The following NADSYN1 variants were observed in gnomAD, a reference collection of about 807,000 sequenced individuals.
The protein encoded by NADSYN1 is glutamine-dependent NAD(+) synthetase.
NADSYN1 carries 80 observed loss-of-function variants against 99.3 expected under a neutral mutation model. That is an observed-to-expected ratio of 0.81 (90% CI 0.67 to 0.97). NADSYN1 has a LOEUF of 0.97. Ranked by LOEUF, NADSYN1 falls within the 50% of genes least tolerant of loss-of-function variation. The pLI is 0.00. For synonymous variants in NADSYN1, 385 were observed against 372.1 expected (o/e 1.03, Z -0.40); for missense variants, 859 against 948.5 (o/e 0.91, Z 1.24).
chr11:71,485,638 G>A lies in NADSYN1; in HGVS notation c.1552G>A (p.Val518Met), dbSNP rs770094071. Residue 518 changes from valine (V) to methionine (M), a missense_variant, in exon 16 of 21, where the codon GTG (valine) becomes ATG (methionine). Coordinates refer to ENST00000319023, the MANE Select transcript of NADSYN1 (RefSeq NM_018161.5). ...GGLLVLGSAN[V>M]DESLLGYLTK... is the part of the protein sequence containing the mutation. ...GCTCCTCGTGCTGGGATCCGCCAACGTGGATGAGAGGTGAGTGTGGCCCAG... is the reference window on the plus strand; with the variant it reads ...GCTCCTCGTGCTGGGATCCGCCAACATGGATGAGAGGTGAGTGTGGCCCAG... The A allele has an allele frequency of 5.5e-5, 85 of 1,553,656 alleles. No individual in the cohort carries two copies. Among genetic ancestry groups the A allele is most frequent in the South Asian group, 1.2e-4 (10 of 84,234 alleles).
chr11:71,474,606 G>A (rs1949652219), intron 9 of NADSYN1, 80 bp downstream of exon 9: 11 of 1,592,150 alleles, frequency 6.9e-6, no homozygotes, highest in Non-Finnish European at 9.5e-6. Context: ...TGTAAGCCGG[G>A]TGCTTAGTGA....
In NADSYN1 at chr11:71,481,371, C is replaced by A. The variant is rs1299742101; in HGVS notation, c.1014C>A (p.Cys338Ter). The A allele has an allele frequency of 6.2e-7, 1 of 1,613,940 alleles. No individual in the cohort carries two copies. Among genetic ancestry groups the A allele is most frequent in the Non-Finnish European group, 8.5e-7 (1 of 1,180,028 alleles). The part of the protein sequence containing the change: ...PEEEISLGPA[C>*]WLWDFLRRSQ... ...TGCCCTGCAGCCTTGGACCTGCCTGCTGGCTCTGGGATTTTTTAAGACGAA... is the reference window on the plus strand; with the variant it reads ...TGCCCTGCAGCCTTGGACCTGCCTGATGGCTCTGGGATTTTTTAAGACGAA... The change falls in exon 12 of 21, where the codon TGC becomes TGA. Residue 338 changes from cysteine to a stop codon, truncating the protein, a stop_gained. Coordinates refer to ENST00000319023, the MANE Select transcript of NADSYN1 (RefSeq NM_018161.5). LOFTEE classifies it high-confidence loss of function.
intron 3 of NADSYN1, among the ~76,000 whole-genome samples, chr11:71,462,233 C>T (rs1052705135): frequency 2.6e-5 from 4 of 152,182 alleles, no homozygotes; most frequent in African/African-American, 4.8e-5. Context: ...TCAACACAGA[C>T]CTTAAGTCTC....
rs193295661 is a variant in NADSYN1, at chr11:71,495,802, A to T, written c.1765-1681A>T. 1.0e-3 allele frequency among the ~76,000 whole-genome samples: 152 copies of T among 152,306 alleles called. 2 individuals are homozygous for T. Among genetic ancestry groups the T allele is most frequent in the African/African-American group, 3.4e-3 (142 of 41,572 alleles). ...AAAACACTTAGCGTCCCCTGGAGGG[A>T]CGGACAAGAAGGCCCAGCGGTGGCT... On this transcript the variant is annotated intron_variant, in intron 18 of 20. Coordinates refer to ENST00000319023, the MANE Select transcript of NADSYN1 (RefSeq NM_018161.5).
intron 6 of NADSYN1, 93 bp downstream of exon 6, chr11:71,472,593 A>C: frequency 8.7e-7 from 1 of 1,153,774 alleles, no homozygotes; most frequent in Non-Finnish European, 1.3e-6. Context: ...TTTGGGATCC[A>C]GGTAATGGAA....
chr11:71,463,942 C>T (rs891629523), intron 4 of NADSYN1, 111 bp from the exon 5 acceptor site: 5 of 907,466 alleles, frequency 5.5e-6, no homozygotes, highest in Non-Finnish European at 8.5e-6. Context: ...GGGCCCCATT[C>T]TCAAGCTGAC....
intron 5 of NADSYN1, among the ~76,000 whole-genome samples, chr11:71,465,429 G>A (rs1298980053): frequency 6.6e-6 from 1 of 152,180 alleles, no homozygotes; most frequent in Non-Finnish European, 1.5e-5. Flanking sequence ...CATGTTCAGC[G>A]CAGATCACAT....
At chr11:71,461,274 CGGAG>C (rs1949548850) in intron 3 of NADSYN1, among the ~76,000 whole-genome samples, 2 of 152,212 alleles carry the variant, frequency 1.3e-5, no homozygotes, top group South Asian at 4.2e-4. Flanking sequence ...CAGATATTCA[CGGAG>C]GGCCCGTATT....
Position 71,501,356 on chromosome 11 carries a change from C to G in NADSYN1, c.*4C>G, listed in dbSNP as rs376705127. ...GTCCCTGGACGGCGTGGACTGAGGC[C>G]GGTTCCTTCCTGGAGGCCTCCTGTC... On this transcript the variant is annotated 3_prime_UTR_variant, in exon 21 of 21. Coordinates refer to ENST00000319023, the MANE Select transcript of NADSYN1 (RefSeq NM_018161.5). 5 of 1,602,850 alleles carry G rather than the reference C, an allele frequency of 3.1e-6. No homozygotes were observed. Among genetic ancestry groups the G allele is most frequent in the Non-Finnish European group, 4.3e-6 (5 of 1,175,202 alleles).
chr11:71,469,438 G>A (rs1027513205), intron 5 of NADSYN1, among the ~76,000 whole-genome samples: 6 of 152,220 alleles, frequency 3.9e-5, no homozygotes, highest in Non-Finnish European at 7.3e-5. Context: ...GAAATGTAGA[G>A]TGTGGAGTGG....
At chr11:71,454,524 T>G (rs548160964) in intron 1 of NADSYN1, among the ~76,000 whole-genome samples, 1 of 152,380 alleles carries the variant, frequency 6.6e-6, no homozygotes, top group Non-Finnish European at 1.5e-5. Context: ...TTTTTATTTT[T>G]ATTTTTTAAA....
At chr11:71,468,423 T>A (rs1442080731) in intron 5 of NADSYN1, among the ~76,000 whole-genome samples, 5 of 152,154 alleles carry the variant, frequency 3.3e-5, no homozygotes, top group Non-Finnish European at 5.9e-5. Context: ...AGGGTAAAGA[T>A]AAAGATACTG....
At chr11:71,475,257 C>T (rs192597525) in intron 9 of NADSYN1, 3 of 154,928 alleles carry the variant, frequency 1.9e-5, no homozygotes, top group Non-Finnish European at 2.9e-5. Context: ...CCACGCTGCC[C>T]CTGAGTCCTG....
chr11:71,463,590 G>C (rs1949565426), intron 4 of NADSYN1, 105 bp downstream of exon 4: 1 of 1,146,094 alleles, frequency 8.7e-7, no homozygotes, highest in African/African-American at 1.6e-5. Flanking sequence ...CCGTTGCTGG[G>C]AGGCTGCTTC....
chr11:71,463,300 G>T (rs559498632), intron 3 of NADSYN1, 132 bp from the exon 4 acceptor site: 2 of 775,360 alleles, frequency 2.6e-6, no homozygotes, highest in African/African-American at 3.5e-5. Flanking sequence ...GAGCCTTGCA[G>T]TTCTCCGAAG....
rs548320441 is a variant in NADSYN1 at position 71,476,214 on chromosome 11, G to T, written c.798+1688G>T. Reference sequence around the variant, plus strand: ...TCCCACACACAGCATTGCCTGACTCGTCTTTGGACCCGACGGCCTTCCACT... The same window carrying T: ...TCCCACACACAGCATTGCCTGACTCTTCTTTGGACCCGACGGCCTTCCACT... On this transcript the variant is annotated intron_variant, in intron 9 of 20. Transcript: ENST00000319023. 2.4e-5 allele frequency: 10 copies of T among 415,130 alleles called. No individual in the cohort carries two copies. In the Admixed American group the frequency reaches 2.7e-4, roughly 11 times the overall value. The allele number at this position is 415,130 out of a possible 1,614,324, so 25.7% of individuals were successfully genotyped here.
Position 71,473,677 on chromosome 11 carries a change from C to T in NADSYN1, c.657C>T (p.Val219=), listed in dbSNP as rs1376730355. ...CCAGGGTGGATCTCGTGACTATGGT[C>T]ACCAGCAAGGTAGGGGCTGGGCCAG... ...ANTRVDLVTM[V]TSKNGGIYLL... Residue 219 remains valine (V), a synonymous_variant, in exon 8 of 21, where the codon GTC becomes GTT. Transcript: ENST00000319023. 6.2e-7 allele frequency: 1 copy of T among 1,611,382 alleles called. No homozygotes were observed. Among genetic ancestry groups the T allele is most frequent in the Non-Finnish European group, 8.5e-7 (1 of 1,178,474 alleles).
At chr11:71,500,398 T>G (rs1480208665) in intron 20 of NADSYN1, among the ~76,000 whole-genome samples, 1 of 151,896 alleles carries the variant, frequency 6.6e-6, no homozygotes, top group Non-Finnish European at 1.5e-5. Context: ...CGAGGAGACA[T>G]TAGGCGATGA....
At chr11:71,455,991 G>A (rs534221117) in intron 2 of NADSYN1, among the ~76,000 whole-genome samples, 89 of 152,304 alleles carry the variant, frequency 5.8e-4, no homozygotes, top group African/African-American at 1.4e-3. Flanking sequence ...TCTTGTAAGC[G>A]ATAGTCCTTT....
Sources: allele counts gnomAD v4.1 joint callset (sites outside exome capture counted in the v4.1 genomes callset), GRCh38; gene constraint gnomAD v4.1.1; transcripts MANE v1.5; gene names NCBI Gene and HGNC (gene_info 2026-07-23, HGNC 2026-07-21).